LRP1: variants seen among roughly 807,000 people sequenced by gnomAD.
The protein encoded by LRP1 is LDL receptor related protein 1, also known as prolow-density lipoprotein receptor-related protein 1.
A neutral mutation model predicts 541.5 loss-of-function variants in LRP1; 51 were observed. That is an observed-to-expected ratio of 0.09 (90% CI 0.08 to 0.12). The LOEUF is 0.12. Ranked by LOEUF, LRP1 falls within the 10% of genes least tolerant of loss-of-function variation. LRP1 has a pLI of 1.00. For missense variants in LRP1, 3,878 were observed against 6,376.2 expected (o/e 0.61, Z 13.34); for synonymous variants, 2,219 against 2,470.8 (o/e 0.90, Z 3.02).
At position 57,184,695 on chromosome 12, in the gene LRP1, C is replaced by A; in HGVS notation, c.6187-144C>A. ...GTCACCTTATCAGCAGGGCAGTGGGCAGGAGTGTATGCAGGAGGCAGGAGT... is the reference window on the plus strand; with the variant it reads ...GTCACCTTATCAGCAGGGCAGTGGGAAGGAGTGTATGCAGGAGGCAGGAGT... On this transcript the variant is annotated intron_variant, in intron 38 of 88. Transcript: ENST00000243077. The surrounding 1 kb of genome is among the most constrained non-coding windows in gnomAD (Gnocchi z 7.8). 2 of 994,820 alleles carry A rather than the reference C, an allele frequency of 2.0e-6. No individual in the cohort carries two copies. Among genetic ancestry groups the A allele is most frequent in the Non-Finnish European group, 2.9e-6 (2 of 681,474 alleles). 61.6% of individuals were successfully genotyped at this position (994,820 alleles called of 1,614,324 possible).
chr12:57,148,933 T>C (rs1332201830), intron 6 of LRP1: 1 of 575,858 alleles, frequency 1.7e-6, no homozygotes, highest in South Asian at 2.2e-5. Flanking sequence ...GCTGGCCAAC[T>C]TCACTTTTCC....
intron 6 of LRP1, among the ~76,000 whole-genome samples, chr12:57,150,800 A>G (rs529636145): frequency 1.3e-5 from 2 of 152,354 alleles, no homozygotes; most frequent in South Asian, 2.1e-4. Context: ...ACTCAGAGGC[A>G]TTAAGTAACT....
At chr12:57,168,700 C>T (rs942923656) in intron 19 of LRP1, among the ~76,000 whole-genome samples, 1 of 152,182 alleles carries the variant, frequency 6.6e-6, no homozygotes, top group Non-Finnish European at 1.5e-5. Flanking sequence ...GCCAGGCACC[C>T]AGAGCATGGT....
chr12:57,196,677 A>G (rs1473698884), intron 55 of LRP1, among the ~76,000 whole-genome samples: 1 of 152,212 alleles, frequency 6.6e-6, no homozygotes, highest in East Asian at 1.9e-4. Flanking sequence ...GAGCTGAGCA[A>G]CAGCCAGGAG....
In LRP1 at chr12:57,183,732, C is replaced by G. The variant is rs1488447565; in HGVS notation, c.5795-43C>G. The G allele has an allele frequency of 6.2e-7, 1 of 1,611,380 alleles. No homozygotes were observed. Among genetic ancestry groups the G allele is most frequent in the South Asian group, 1.1e-5 (1 of 90,986 alleles). ...TGAGATTTTGACCCCTCACCTTACC[C>G]CTGCCTTATTGGGCATCCCCATGTC... is the stretch of plus-strand genomic sequence containing the variant. On this transcript the variant is annotated intron_variant, in intron 35 of 88. Coordinates refer to ENST00000243077, the MANE Select transcript of LRP1 (RefSeq NM_002332.3). This position sits in a 1 kb window ranked among gnomAD's most constrained non-coding sequence, Gnocchi z 6.1.
chr12:57,205,776 T>C lies in LRP1; in HGVS notation c.11590+99T>C. The C allele has an allele frequency of 6.6e-7, 1 of 1,518,548 alleles. No individual in the cohort carries two copies. The highest frequency in any genetic ancestry group is 8.9e-7 in the Non-Finnish European group (1 of 1,129,156). 94.1% of individuals were successfully genotyped at this position (1,518,548 alleles called of 1,614,324 possible). On this transcript the variant is annotated intron_variant, in intron 75 of 88. Coordinates refer to ENST00000243077, the MANE Select transcript of LRP1 (RefSeq NM_002332.3). The surrounding 1 kb of genome is among the most constrained non-coding windows in gnomAD (Gnocchi z 4.6). The stretch of plus-strand genomic sequence containing the variant: ...AATGGAATGTCTTCCTGCGGACATC[T>C]TGCCCAGACAAGAAGCCCCAGACTC...
intron 6 of LRP1, among the ~76,000 whole-genome samples, chr12:57,152,409 C>T (rs1036385329): frequency 2.0e-5 from 3 of 152,108 alleles, no homozygotes; most frequent in African/African-American, 7.2e-5. Flanking sequence ...GTAAAGGGCA[C>T]GCAGCCCTGT....
intron 3 of LRP1, among the ~76,000 whole-genome samples, chr12:57,142,275 G>A (rs1392456271): frequency 6.6e-6 from 1 of 152,234 alleles, no homozygotes. Context: ...TTTTCTTCGG[G>A]GTCTGGGCCC....
intron 52 of LRP1, 82 bp from the exon 53 acceptor site, chr12:57,195,576 G>A (rs1417041891): frequency 3.7e-6 from 6 of 1,604,878 alleles, no homozygotes; most frequent in Non-Finnish European, 8.5e-7. Flanking sequence ...ACTCTACCAG[G>A]AGAACCACAG....
intron 1 of LRP1, among the ~76,000 whole-genome samples, chr12:57,136,947 A>G (rs2035182813): frequency 6.6e-6 from 1 of 152,210 alleles, no homozygotes. Context: ...GCCCACAATA[A>G]GAGTTAGTTG....
intron 3 of LRP1, among the ~76,000 whole-genome samples, chr12:57,142,131 A>G (rs2035304774): frequency 6.6e-6 from 1 of 152,164 alleles, no homozygotes; most frequent in African/African-American, 2.4e-5. Flanking sequence ...TCAGGTCACC[A>G]GCTCTACAGT....
At chr12:57,134,626 G>A (rs1592598155) in intron 1 of LRP1, among the ~76,000 whole-genome samples, 1 of 151,924 alleles carries the variant, frequency 6.6e-6, no homozygotes, top group East Asian at 1.9e-4. Flanking sequence ...CAAGTGATCC[G>A]CCCATCTCCG....
chr12:57,164,136 A>G (rs1320034068), intron 15 of LRP1, among the ~76,000 whole-genome samples: 1 of 152,230 alleles, frequency 6.6e-6, no homozygotes, highest in African/African-American at 2.4e-5. Flanking sequence ...GTGCCACTGC[A>G]CTCCAGCCTG....
At chr12:57,133,616 C>T (rs1239208525) in intron 1 of LRP1, among the ~76,000 whole-genome samples, 1 of 142,632 alleles carries the variant, frequency 7.0e-6, no homozygotes, top group African/African-American at 2.6e-5. Flanking sequence ...GCTCTGTCCC[C>T]GCGCCGCCCC....
chr12:57,129,770 G>C (rs1748210066), intron 1 of LRP1, among the ~76,000 whole-genome samples: 1 of 152,206 alleles, frequency 6.6e-6, no homozygotes, highest in Non-Finnish European at 1.5e-5. Flanking sequence ...GTCATCACTG[G>C]GGAAGGGGAC....
rs71461316 is a variant in LRP1 at position 57,197,440 on chromosome 12, C to G, written c.9162+56C>G. 1.9e-6 allele frequency: 3 copies of G among 1,610,382 alleles called. No individual in the cohort carries two copies. Among genetic ancestry groups the G allele is most frequent in the Non-Finnish European group, 2.5e-6 (3 of 1,177,234 alleles). ...CCATCTCCCAGACCCAGCACAGCCT[C>G]CCTTGCAAGTCTCCCCGCTTAGGTC... On this transcript the variant is annotated intron_variant, in intron 57 of 88. Coordinates refer to ENST00000243077, the MANE Select transcript of LRP1 (RefSeq NM_002332.3). This position sits in a 1 kb window ranked among gnomAD's most constrained non-coding sequence, Gnocchi z 4.5.
rs34398261 is a variant in LRP1 at position 57,206,407 on chromosome 12, G to T, written c.11591-66G>T. On this transcript the variant is annotated intron_variant, in intron 75 of 88. Transcript: ENST00000243077. This position sits in a 1 kb window ranked among gnomAD's most constrained non-coding sequence, Gnocchi z 4.7. ...AGATGGGACAGTGTTCATGTGAAAG[G>T]AGCTGAGCTGGGTGGGGTGCACACC... 5.3e-4 allele frequency: 810 copies of T among 1,517,328 alleles called. 5 individuals carry two copies. In the African/African-American group the frequency reaches 0.01, roughly 19 times the overall value. 94.0% of individuals were successfully genotyped at this position (1,517,328 alleles called of 1,614,324 possible).
rs141304281 is a variant in LRP1 at position 57,168,725 on chromosome 12, G to A, written c.2996-415G>A. Among the ~76,000 whole-genome samples, 314 of 152,306 alleles carry A rather than the reference G, an allele frequency of 2.1e-3. 6 individuals carry two copies. In the East Asian group the frequency reaches 0.053, roughly 26 times the overall value. On this transcript the variant is annotated intron_variant, in intron 19 of 88. Transcript: ENST00000243077. The stretch of plus-strand genomic sequence containing the variant: ...CAGAGCATGGTATTCAGCAGTGCCA[G>A]CCTCAGGGCAGGCCTGTAAAGCTTG...
At chr12:57,139,199 T>C (rs715948) in intron 2 of LRP1, among the ~76,000 whole-genome samples, 108,389 of 151,976 alleles carry the variant, frequency 0.71, 39,005 homozygotes, top group African/African-American at 0.8. Flanking sequence ...GTGGCTCCAC[T>C]TTTAGCCTCT....
Sources: allele counts gnomAD v4.1 joint callset (sites outside exome capture counted in the v4.1 genomes callset), GRCh38; gene constraint gnomAD v4.1.1; non-coding constraint Gnocchi (gnomAD v3.1); transcripts MANE v1.5; gene names NCBI Gene and HGNC (gene_info 2026-07-23, HGNC 2026-07-21).